The following ABI1 variants were observed in gnomAD, a reference collection of about 807,000 sequenced individuals.
ABI1 encodes the protein Abelson interactor 1.
A neutral mutation model predicts 54.6 loss-of-function variants in ABI1; 14 were observed. The observed-to-expected ratio is 0.26, with a 90% confidence interval of 0.17 to 0.40. ABI1 has a LOEUF of 0.40. Among genes scored for constraint, ABI1 ranks in the 10% least tolerant of loss-of-function variants. The pLI is 1.00. For synonymous variants in ABI1, 194 were observed against 209.3 expected (o/e 0.93, Z 0.63); for missense variants, 443 against 598.3 (o/e 0.74, Z 2.71).
intron 2 of ABI1, among the ~76,000 whole-genome samples, chr10:26,794,845 T>C (rs556386495): frequency 1.5e-3 from 235 of 152,176 alleles, no homozygotes; most frequent in African/African-American, 5.1e-3. Context: ...TCTTAGACAT[T>C]AGAAGTTGTT....
At chr10:26,812,484 C>G (rs987400401) in intron 2 of ABI1, among the ~76,000 whole-genome samples, 1 of 152,032 alleles carries the variant, frequency 6.6e-6, no homozygotes, top group Non-Finnish European at 1.5e-5. Context: ...ATCTTTCTGT[C>G]AATATTGAAG....
chr10:26,837,373 G>T (rs2049153031), intron 1 of ABI1, among the ~76,000 whole-genome samples: 1 of 152,034 alleles, frequency 6.6e-6, no homozygotes, highest in South Asian at 2.1e-4. Context: ...ATGGGATCAG[G>T]GCTCCAGCCT....
chr10:26,830,065 T>C (rs538438769), intron 1 of ABI1, among the ~76,000 whole-genome samples: 1 of 152,290 alleles, frequency 6.6e-6, no homozygotes, highest in East Asian at 1.9e-4. Flanking sequence ...AGCTACAGTC[T>C]TCTGTATCTG....
chr10:26,789,129 C>T (rs1843098889), intron 2 of ABI1: 1 of 152,030 alleles, frequency 6.6e-6, no homozygotes, highest in Admixed American at 6.6e-5. Flanking sequence ...TCCCGTCTGC[C>T]AGTTCTATCC....
intron 1 of ABI1, among the ~76,000 whole-genome samples, chr10:26,837,306 T>A (rs72629733): frequency 1.3e-5 from 2 of 152,166 alleles, no homozygotes; most frequent in Non-Finnish European, 2.9e-5. Flanking sequence ...TGTCCTCACA[T>A]GGCAGAGAGA....
At chr10:26,786,216 T>C (rs1035522719) in intron 2 of ABI1, among the ~76,000 whole-genome samples, 2 of 149,824 alleles carry the variant, frequency 1.3e-5, no homozygotes, top group Admixed American at 1.3e-4. Context: ...AATGCCTCTC[T>C]ACACTTTTTT....
chr10:26,778,308 A>G (rs1253718583), intron 2 of ABI1, among the ~76,000 whole-genome samples: 1 of 152,140 alleles, frequency 6.6e-6, no homozygotes, highest in African/African-American at 2.4e-5. Flanking sequence ...ACAACTTAAA[A>G]TCTGGCTTAA....
chr10:26,814,960 G>A (rs5010875), intron 2 of ABI1, among the ~76,000 whole-genome samples: 34,924 of 151,782 alleles, frequency 0.23, 4,536 homozygotes, highest in African/African-American at 0.34. Flanking sequence ...TCTAAATTTT[G>A]AGATTATGTC....
chr10:26,768,702 G>A lies in ABI1; in HGVS notation c.719+150C>T, dbSNP rs529739052. On this transcript the variant is annotated intron_variant, in intron 6 of 10. Transcript: ENST00000376140. ...ACAGAAGTTATAACACAAACTTACA[G>A]GAACATATATAATATTATTCCCCCA... is the stretch of plus-strand genomic sequence containing the variant. 19 of 664,084 alleles carry A rather than the reference G, an allele frequency of 2.9e-5. No individual in the cohort carries two copies. The South Asian group carries it at 3.8e-4, about 13-fold the overall frequency. The allele number at this position is 664,084 out of a possible 1,614,324, so 41.1% of individuals were successfully genotyped here. A position where few individuals can be genotyped will look rare whatever the true frequency, so the allele number is the denominator to read the frequency against.
intron 7 of ABI1, among the ~76,000 whole-genome samples, chr10:26,762,983 C>T (rs1839435727): frequency 6.6e-6 from 1 of 152,224 alleles, no homozygotes; most frequent in African/African-American, 2.4e-5. Flanking sequence ...TAGCTAACTT[C>T]TACCTTTTTA....
In ABI1 at chr10:26,759,241, G is replaced by T; in HGVS notation, c.821-3C>A. On this transcript the variant is annotated splice_polypyrimidine_tract_variant and splice_region_variant and intron_variant, in intron 7 of 10. Coordinates refer to ENST00000376140, the MANE Select transcript of ABI1 (RefSeq NM_001012750.3). ...ACCAGGAGCTGAGCCCGGGGCTGCT[G>T]AAAAGCATTAGTCAAAGGCAACCAA... 3 of 1,612,994 alleles carry T rather than the reference G, an allele frequency of 1.9e-6. No individual in the cohort carries two copies. The highest frequency in any genetic ancestry group is 2.5e-6 in the Non-Finnish European group (3 of 1,179,526).
At chr10:26,759,307 C>T (rs1838786800) in intron 7 of ABI1, 69 bp from the exon 8 acceptor site, 1 of 1,387,346 alleles carries the variant, frequency 7.2e-7, no homozygotes, top group South Asian at 1.5e-5. Flanking sequence ...GATGGCAGAA[C>T]AAAGCAGGAG....
intron 7 of ABI1, among the ~76,000 whole-genome samples, chr10:26,759,710 T>TA (rs1366993672): frequency 1.3e-5 from 2 of 152,078 alleles, no homozygotes; most frequent in Non-Finnish European, 2.9e-5. Context: ...TTTGGCTAGA[T>TA]AGAGTCTTAT....
chr10:26,828,479 G>T (rs982687165), intron 1 of ABI1, among the ~76,000 whole-genome samples: 1 of 152,092 alleles, frequency 6.6e-6, no homozygotes, highest in East Asian at 1.9e-4. Flanking sequence ...TCTGCAAAGC[G>T]CAGTAAAGCA....
At chr10:26,817,722 C>T (rs2047666727) in intron 2 of ABI1, among the ~76,000 whole-genome samples, 1 of 152,040 alleles carries the variant, frequency 6.6e-6, no homozygotes, top group South Asian at 2.1e-4. Flanking sequence ...GCATATTCTG[C>T]CACAATAATA....
Position 26,747,119 on chromosome 10 carries a change from T to C in ABI1, c.*1451A>G, listed in dbSNP as rs1362644648. On this transcript the variant is annotated 3_prime_UTR_variant, in exon 11 of 11. Transcript: ENST00000376140. ...CTTTAATTTTCAGAAATAACTGTTT[T>C]GCACTAGTCTTACCATTCACTATGC... The C allele has an allele frequency of 4.4e-6, 1 of 229,028 alleles. No individual in the cohort carries two copies. Among genetic ancestry groups the C allele is most frequent in the African/African-American group, 2.2e-5 (1 of 44,754 alleles). 14.2% of individuals were successfully genotyped at this position (229,028 alleles called of 1,614,324 possible).
At chr10:26,784,989 T>C (rs933823049) in intron 2 of ABI1, among the ~76,000 whole-genome samples, 1 of 152,138 alleles carries the variant, frequency 6.6e-6, no homozygotes, top group African/African-American at 2.4e-5. Context: ...ACCCTAAAGG[T>C]TTATTGCATT....
At chr10:26,758,141 T>C (rs1279772798) in intron 8 of ABI1, among the ~76,000 whole-genome samples, 1 of 148,980 alleles carries the variant, frequency 6.7e-6, no homozygotes, top group Non-Finnish European at 1.5e-5. Context: ...TCATTCATTA[T>C]AAATAAAAAG....
Position 26,851,122 on chromosome 10 carries a change from T to C in ABI1, c.117+9625A>G, listed in dbSNP as rs79530821. Among the ~76,000 whole-genome samples the C allele has an allele frequency of 2.8e-4, 42 of 152,270 alleles. 1 individual carries two copies. In the East Asian group the frequency reaches 6.6e-3, roughly 24 times the overall value. ...AAGAATTTTGCAACATGGAGGTTAT[T>C]AGCATTCAGAGAGCAGTGGAAATAG... On this transcript the variant is annotated intron_variant, in intron 1 of 10. Transcript: ENST00000376140.
Sources: gnomAD v4.1 joint callset for allele counts (sites outside exome capture counted in the v4.1 genomes callset) on GRCh38, gnomAD v4.1.1 for gene constraint, MANE v1.5 for transcripts, NCBI Gene and HGNC (gene_info 2026-07-23, HGNC 2026-07-21) for gene names.